The following ZNF114 variants were observed in gnomAD, a reference collection of about 807,000 sequenced individuals.
ZNF114 encodes the protein zinc finger protein 114 (Y18).
In ZNF114, 8 loss-of-function variants were observed where a neutral mutation model predicts 6.8. The ratio of observed to expected loss-of-function variants is 1.18; its 90% CI spans 0.69 to 2.13. The LOEUF is 2.13. Ranked by LOEUF, ZNF114 falls within the 30% of genes most tolerant of loss-of-function variation. ZNF114 has a pLI of 0.00. For synonymous variants in ZNF114, 169 were observed against 185.5 expected (o/e 0.91, Z 0.72); for missense variants, 472 against 519.5 (o/e 0.91, Z 0.89).
chr19:48,279,989 G>A (rs1003558652), intron 4 of ZNF114, among the ~76,000 whole-genome samples, 181 bp downstream of exon 4: 1 of 152,106 alleles, frequency 6.6e-6, no homozygotes, highest in Non-Finnish European at 1.5e-5. Flanking sequence ...GGATTCTCCT[G>A]GGACCACCCC....
intron 4 of ZNF114, 58 bp downstream of exon 4, chr19:48,279,866 G>A: frequency 6.2e-7 from 1 of 1,612,990 alleles, no homozygotes; most frequent in Non-Finnish European, 8.5e-7. Flanking sequence ...GAGTCAATGT[G>A]CCTCTGCCTG....
At position 48,275,457 on chromosome 19, in the gene ZNF114, C is replaced by CACACACACAA. The variant is rs1181746572; in HGVS notation, c.-70+3630_-70+3631insCACACACAAA. On this transcript the variant is annotated intron_variant, in intron 3 of 5. Coordinates refer to ENST00000595607, the MANE Select transcript of ZNF114 (RefSeq NM_153608.4). Reference sequence around the variant, plus strand: ...ACACACACACACACACACACACACACAAAATAGCCAGGCGTGGTGGTGGTC... The same window carrying CACACACACAA: ...ACACACACACACACACACACACACACACACACACAAAAAATAGCCAGGCGTGGTGGTGGTC... Among the ~76,000 whole-genome samples the CACACACACAA allele has an allele frequency of 2.7e-3, 384 of 144,656 alleles. 3 individuals carry two copies. Among genetic ancestry groups the CACACACACAA allele is most frequent in the African/African-American group, 9.3e-3 (367 of 39,520 alleles). The allele number at this position is 144,656 out of a possible 152,430, so 94.9% of individuals were successfully genotyped here.
intron 4 of ZNF114, among the ~76,000 whole-genome samples, chr19:48,281,873 C>T (rs143579194): frequency 3.4e-5 from 5 of 147,600 alleles, no homozygotes; most frequent in African/African-American, 1.2e-4. Flanking sequence ...AGGGCCCACC[C>T]AACCCCCAGT....
intron 3 of ZNF114, among the ~76,000 whole-genome samples, chr19:48,274,914 G>A (rs188926238): frequency 1.2e-3 from 180 of 152,206 alleles, no homozygotes; most frequent in African/African-American, 4.2e-3. Context: ...ACTAGTTGGA[G>A]TCCCTGGGTA....
intron 3 of ZNF114, among the ~76,000 whole-genome samples, chr19:48,275,511 A>G (rs1433750368): frequency 2.0e-5 from 3 of 150,746 alleles, no homozygotes; most frequent in Admixed American, 1.3e-4. Flanking sequence ...TTGGGAGGCT[A>G]AGACAGGAGA....
chr19:48,276,215 G>T (rs983648204), intron 3 of ZNF114, among the ~76,000 whole-genome samples: 1 of 151,124 alleles, frequency 6.6e-6, no homozygotes, highest in African/African-American at 2.4e-5. Context: ...GAGTAGCTGG[G>T]ATTACAGGCG....
At position 48,287,004 on chromosome 19, in the gene ZNF114, G is replaced by C. The variant is rs2053721562; in HGVS notation, c.*126G>C. On this transcript the variant is annotated 3_prime_UTR_variant, in exon 6 of 6. Coordinates refer to ENST00000595607, the MANE Select transcript of ZNF114 (RefSeq NM_153608.4). ...CTTCCCTGAACTCTCGTATCTTACA[G>C]AAATGTGAAAAAAAACCCTGTGAAG... 1 of 1,031,226 alleles carries C rather than the reference G, an allele frequency of 9.7e-7. No homozygotes were observed. The highest frequency in any genetic ancestry group is 1.7e-5 in the African/African-American group (1 of 60,602). 63.9% of individuals were successfully genotyped at this position (1,031,226 alleles called of 1,614,324 possible). A position where few individuals can be genotyped will look rare whatever the true frequency, so the allele number is the denominator to read the frequency against.
At chr19:48,274,248 A>C (rs530875346) in intron 3 of ZNF114, among the ~76,000 whole-genome samples, 20 of 151,546 alleles carry the variant, frequency 1.3e-4, no homozygotes, top group Non-Finnish European at 2.8e-4. Context: ...TTCATTGCTG[A>C]CAGTGTCATG....
In ZNF114 at chr19:48,286,811, A is replaced by G; in HGVS notation, c.1187A>G (p.Asp396Gly). ...TATAAATGTAAGACATGTGGAAAAGACTTTGCAAAGTCGTCAGGACTTAAA... is the reference window on the plus strand; with the variant it reads ...TATAAATGTAAGACATGTGGAAAAGGCTTTGCAAAGTCGTCAGGACTTAAA... ...KPYKCKTCGKDFAKSSGLKKH... is the reference protein window; with the variant it reads ...KPYKCKTCGKGFAKSSGLKKH... The change falls in exon 6 of 6, where the codon GAC (aspartate) becomes GGC (glycine). Residue 396 changes from aspartate (D) to glycine (G), a missense_variant. Asp to Gly is a moderately conservative substitution (Grantham distance 94). Transcript: ENST00000595607. 1 of 1,602,016 alleles carries G rather than the reference A, an allele frequency of 6.2e-7. No homozygotes were observed. The highest frequency in any genetic ancestry group is 8.5e-7 in the Non-Finnish European group (1 of 1,176,858).
At chr19:48,283,859 G>C (rs948813277) in intron 5 of ZNF114, among the ~76,000 whole-genome samples, 1 of 151,856 alleles carries the variant, frequency 6.6e-6, no homozygotes, top group Non-Finnish European at 1.5e-5. Context: ...TCAGCCTCCC[G>C]AGTAGCTGGG....
intron 3 of ZNF114, among the ~76,000 whole-genome samples, chr19:48,274,568 G>T (rs1358525470): frequency 6.7e-6 from 1 of 150,352 alleles, no homozygotes; most frequent in South Asian, 2.1e-4. Flanking sequence ...GTGCAGTGGT[G>T]CAATCTCGTC....
chr19:48,283,728 G>C (rs1483672732), intron 5 of ZNF114, among the ~76,000 whole-genome samples: 1 of 143,062 alleles, frequency 7.0e-6, no homozygotes, highest in Non-Finnish European at 1.6e-5. Flanking sequence ...GGGTTCTGGG[G>C]TTTTTGTTTT....
chr19:48,284,362 C>T (rs1412866951), intron 5 of ZNF114, among the ~76,000 whole-genome samples: 3 of 151,796 alleles, frequency 2.0e-5, no homozygotes, highest in East Asian at 1.9e-4. Context: ...GCCAGGAAGT[C>T]GAGACCAGCC....
chr19:48,275,456 AC>A (rs1173388507), intron 3 of ZNF114, among the ~76,000 whole-genome samples: 2 of 145,250 alleles, frequency 1.4e-5, no homozygotes, highest in African/African-American at 5.0e-5. Flanking sequence ...ACACACACAC[AC>A]AAAATAGCCA....
intron 3 of ZNF114, among the ~76,000 whole-genome samples, chr19:48,273,161 C>G (rs541530131): frequency 6.6e-6 from 1 of 152,194 alleles, no homozygotes; most frequent in Non-Finnish European, 1.5e-5. Flanking sequence ...ACTGAGACCT[C>G]AGCAGAGGAA....
intron 5 of ZNF114, among the ~76,000 whole-genome samples, chr19:48,283,245 C>T (rs572128010): frequency 6.6e-6 from 1 of 152,242 alleles, no homozygotes; most frequent in Admixed American, 6.5e-5. Context: ...TGTAGGTGAA[C>T]ATGGTGCACA....
chr19:48,286,649 G>A lies in ZNF114; in HGVS notation c.1025G>A (p.Arg342Lys), dbSNP rs1968139364. The change falls in exon 6 of 6, where the codon AGA (arginine) becomes AAA (lysine). Residue 342 changes from arginine to lysine, a missense_variant. Arg to Lys is a conservative substitution (Grantham distance 26, BLOSUM62 2). Coordinates refer to ENST00000595607, the MANE Select transcript of ZNF114 (RefSeq NM_153608.4). ...YECGKCGKAF[R>K]YSLHLNKHLR... ...TGTGGGAAATGTGGGAAAGCCTTTA[G>A]ATATTCCTTACACCTTAATAAACAT... The A allele has an allele frequency of 1.9e-6, 3 of 1,613,480 alleles. No homozygotes were observed. Among genetic ancestry groups the A allele is most frequent in the African/African-American group, 2.7e-5 (2 of 74,798 alleles).
At chr19:48,278,340 G>A (rs1424698807) in intron 3 of ZNF114, among the ~76,000 whole-genome samples, 2 of 152,154 alleles carry the variant, frequency 1.3e-5, no homozygotes, top group Non-Finnish European at 2.9e-5. Flanking sequence ...AAGAAGCCCT[G>A]TATCCTTCAG....
At chr19:48,271,974 G>C (rs1371921363) in intron 3 of ZNF114, 146 bp downstream of exon 3, 2 of 152,328 alleles carry the variant, frequency 1.3e-5, no homozygotes, top group African/African-American at 4.8e-5. Flanking sequence ...CAGACCCCGA[G>C]CGCGCCCTTC....
Sources: gnomAD v4.1 joint callset for allele counts (sites outside exome capture counted in the v4.1 genomes callset) on GRCh38, gnomAD v4.1.1 for gene constraint, MANE v1.5 for transcripts, NCBI Gene and HGNC (gene_info 2026-07-23, HGNC 2026-07-21) for gene names.